The following ST8SIA6 variants were observed in gnomAD, a reference collection of about 807,000 sequenced individuals.
ST8SIA6 encodes the protein ST8 alpha-N-acetyl-neuraminide alpha-2,8-sialyltransferase 6, also known as alpha-2,8-sialyltransferase 8F.
In ST8SIA6, 39 loss-of-function variants were observed where a neutral mutation model predicts 33.6. That is an observed-to-expected ratio of 1.16 (90% CI 0.90 to 1.52). The LOEUF (loss-of-function observed/expected upper bound fraction) is 1.52. ST8SIA6 is among the 40% of genes most tolerant of loss of function. The probability of loss-of-function intolerance (pLI) is 0.00; values close to 1 mark genes in which losing one functional copy is unlikely to be tolerated. For synonymous variants in ST8SIA6, 172 were observed against 167.2 expected, an observed-to-expected ratio of 1.03 and a Z score of -0.22; for missense variants, 441 against 443.8, an observed-to-expected ratio of 0.99 and a Z score of 0.06.
At chr10:17,443,551 C>T (rs1176038554) in intron 2 of ST8SIA6, among the ~76,000 whole-genome samples, 1 of 152,148 alleles carries the variant, frequency 6.6e-6, no homozygotes, top group African/African-American at 2.4e-5. Context: ...AGGTTGTGCC[C>T]TATAAAATTA....
At chr10:17,358,082 C>T (rs1385284140) in intron 4 of ST8SIA6, among the ~76,000 whole-genome samples, 4 of 152,198 alleles carry the variant, frequency 2.6e-5, no homozygotes, top group African/African-American at 7.2e-5. Context: ...AATCCCCTTT[C>T]CAGCCTCTCT....
chr10:17,325,273 G>A (rs1207651274), intron 6 of ST8SIA6, among the ~76,000 whole-genome samples: 1 of 143,408 alleles, frequency 7.0e-6, no homozygotes, highest in Admixed American at 7.1e-5. Context: ...ACTATACAAT[G>A]TACAATATAT....
intron 2 of ST8SIA6, among the ~76,000 whole-genome samples, chr10:17,441,135 C>A (rs571323413): frequency 4.5e-4 from 68 of 151,834 alleles, no homozygotes; most frequent in African/African-American, 1.5e-3. Flanking sequence ...TCAAATTTTT[C>A]TTTTATTGAT....
chr10:17,416,703 G>A (rs570664567), intron 2 of ST8SIA6, among the ~76,000 whole-genome samples: 23 of 152,204 alleles, frequency 1.5e-4, no homozygotes, highest in African/African-American at 5.3e-4. Flanking sequence ...ATCAGCTCTT[G>A]TCTGGATGGA....
At chr10:17,329,285 G>A (rs1425643150) in intron 5 of ST8SIA6, among the ~76,000 whole-genome samples, 2 of 152,180 alleles carry the variant, frequency 1.3e-5, no homozygotes, top group East Asian at 3.9e-4. Flanking sequence ...GGAGGCATGA[G>A]TCCAAGTAAC....
intron 5 of ST8SIA6, among the ~76,000 whole-genome samples, chr10:17,327,680 G>C (rs930502227): frequency 6.6e-6 from 1 of 151,988 alleles, no homozygotes; most frequent in Non-Finnish European, 1.5e-5. Flanking sequence ...GCCAAAATGA[G>C]AGAGTCACTT....
chr10:17,375,046 C>T (rs1849865390), intron 3 of ST8SIA6, among the ~76,000 whole-genome samples: 1 of 151,912 alleles, frequency 6.6e-6, no homozygotes, highest in Non-Finnish European at 1.5e-5. Context: ...AAGCGATCCT[C>T]CAGCCTTAGC....
At chr10:17,327,190 T>A (rs1230226932) in intron 5 of ST8SIA6, 64 bp from the exon 6 acceptor site, 3 of 1,222,448 alleles carry the variant, frequency 2.5e-6, no homozygotes, top group Non-Finnish European at 1.2e-6. Flanking sequence ...AGACAACAGC[T>A]TAATTCTAGT....
chr10:17,421,011 C>T (rs536357409), intron 2 of ST8SIA6, among the ~76,000 whole-genome samples: 7 of 152,198 alleles, frequency 4.6e-5, no homozygotes, highest in Middle Eastern at 3.4e-3. Context: ...GGTGAAATCG[C>T]GAGAACAGCA....
At chr10:17,378,523 C>CTA (rs771682559) in intron 3 of ST8SIA6, among the ~76,000 whole-genome samples, 3 of 152,150 alleles carry the variant, frequency 2.0e-5, no homozygotes, top group Non-Finnish European at 4.4e-5. Context: ...ATCATTTTGT[C>CTA]TATGTCTGAT....
chr10:17,429,744 C>T (rs1180961733), intron 2 of ST8SIA6, among the ~76,000 whole-genome samples: 1 of 152,188 alleles, frequency 6.6e-6, no homozygotes, highest in Non-Finnish European at 1.5e-5. Context: ...CTCAGCCTCC[C>T]AGAGTGTCAG....
At chr10:17,396,362 T>C (rs1564443493) in intron 2 of ST8SIA6, among the ~76,000 whole-genome samples, 1 of 152,344 alleles carries the variant, frequency 6.6e-6, no homozygotes, top group East Asian at 1.9e-4. Flanking sequence ...GTCCAATTTG[T>C]AGGGCCTTTT....
Position 17,388,914 on chromosome 10 carries a change from A to T in ST8SIA6, c.290+1617T>A, listed in dbSNP as rs188162771. 5.4e-3 allele frequency among the ~76,000 whole-genome samples: 825 copies of T among 152,100 alleles called. 3 individuals carry two copies. Among genetic ancestry groups the T allele is most frequent in the Admixed American group, 0.015 (231 of 15,280 alleles). ...AAATTACAGTTTAGGGGTCATGCAG[A>T]CTCTGGCTCCAAGAGTCTGAACCTC... On this transcript the variant is annotated intron_variant, in intron 3 of 7. Transcript: ENST00000377602.
At chr10:17,409,190 C>G (rs1253180800) in intron 2 of ST8SIA6, 3 of 152,322 alleles carry the variant, frequency 2.0e-5, no homozygotes, top group Admixed American at 2.0e-4. Flanking sequence ...AAATAATTTA[C>G]AAATACTTAA....
At chr10:17,408,887 C>G (rs1851358961) in intron 2 of ST8SIA6, among the ~76,000 whole-genome samples, 1 of 151,200 alleles carries the variant, frequency 6.6e-6, no homozygotes, top group South Asian at 2.1e-4. Flanking sequence ...TCCCAAGTAG[C>G]TGGGATTACA....
intron 6 of ST8SIA6, among the ~76,000 whole-genome samples, chr10:17,326,751 T>G (rs1230992711): frequency 2.0e-5 from 3 of 152,210 alleles, no homozygotes; most frequent in Non-Finnish European, 4.4e-5. Context: ...TGAAAGGTCC[T>G]GCACTACCAA....
intron 2 of ST8SIA6, among the ~76,000 whole-genome samples, chr10:17,424,105 CT>C (rs112889595): frequency 0.032 from 4,538 of 140,300 alleles, 44 homozygotes; most frequent in South Asian, 0.055. Flanking sequence ...TTTCCAAATT[CT>C]TTTTTTTTTT....
At chr10:17,426,834 G>A (rs1483758772) in intron 2 of ST8SIA6, among the ~76,000 whole-genome samples, 1 of 152,200 alleles carries the variant, frequency 6.6e-6, no homozygotes, top group Non-Finnish European at 1.5e-5. Flanking sequence ...AGGCGCAGTG[G>A]CTCACGCCTC....
At position 17,397,233 on chromosome 10, in the gene ST8SIA6, G is replaced by GTT. The variant is rs34049805; in HGVS notation, c.201-6615_201-6614dup. On this transcript the variant is annotated intron_variant, in intron 2 of 7. Transcript: ENST00000377602. Reference sequence around the variant, plus strand: ...TTGTGTCGTTTGCAAATTGTTTTTTGTTTTTTTTTTTTTTTTTGAGACGAA... The same window carrying GTT: ...TTGTGTCGTTTGCAAATTGTTTTTTGTTTTTTTTTTTTTTTTTTTGAGACGAA... Among the ~76,000 whole-genome samples, 947 of 124,178 alleles carry GTT rather than the reference G, an allele frequency of 7.6e-3. 25 individuals are homozygous for GTT. The highest frequency in any genetic ancestry group is 0.018 in the Middle Eastern group (4 of 218). 81.5% of individuals were successfully genotyped at this position (124,178 alleles called of 152,430 possible).
Sources: gnomAD v4.1 joint callset for allele counts (sites outside exome capture counted in the v4.1 genomes callset) on GRCh38, gnomAD v4.1.1 for gene constraint, MANE v1.5 for transcripts, NCBI Gene and HGNC (gene_info 2026-07-23, HGNC 2026-07-21) for gene names.